Variants in CDK14 observed in about 807,000 individuals in gnomAD.
CDK14 encodes the protein cyclin dependent kinase 14, also known as cyclin-dependent kinase 14.
A neutral mutation model predicts 60.7 loss-of-function variants in CDK14; 34 were observed. The observed-to-expected ratio is 0.56, with a 90% confidence interval of 0.43 to 0.75. The LOEUF (loss-of-function observed/expected upper bound fraction) is 0.75. CDK14 is among the 30% of genes least tolerant of loss of function. The pLI is 0.00. For synonymous variants in CDK14, 197 were observed against 203.7 expected, an observed-to-expected ratio of 0.97 and a Z score of 0.28; for missense variants, 482 against 564.1, an observed-to-expected ratio of 0.85 and a Z score of 1.47.
At chr7:91,181,533 T>C (rs887748378) in intron 14 of CDK14, among the ~76,000 whole-genome samples, 1 of 152,222 alleles carries the variant, frequency 6.6e-6, no homozygotes, top group Non-Finnish European at 1.5e-5. Context: ...TGTCTAATTC[T>C]ATCAGTTCTT....
intron 14 of CDK14, among the ~76,000 whole-genome samples, chr7:91,156,191 C>A (rs1286218791): frequency 3.3e-5 from 5 of 152,098 alleles, no homozygotes; most frequent in Non-Finnish European, 7.4e-5. Context: ...CTTTAAAGTA[C>A]AATTTGTTGT....
chr7:90,916,157 G>A (rs1793074512), intron 7 of CDK14, among the ~76,000 whole-genome samples: 2 of 151,990 alleles, frequency 1.3e-5, no homozygotes, highest in South Asian at 2.1e-4. Flanking sequence ...CTTAGAAGTT[G>A]TAAGCTTTAG....
At chr7:91,070,455 T>C (rs1427493815) in intron 11 of CDK14, among the ~76,000 whole-genome samples, 1 of 152,184 alleles carries the variant, frequency 6.6e-6, no homozygotes, top group East Asian at 1.9e-4. Context: ...ATGTGTGGAA[T>C]TAATGAAAAA....
intron 7 of CDK14, among the ~76,000 whole-genome samples, chr7:90,906,272 A>C (rs964662950): frequency 4.6e-5 from 7 of 152,134 alleles, no homozygotes; most frequent in Admixed American, 2.0e-4. Flanking sequence ...TGTTGGGAAA[A>C]TATAGACAAA....
At chr7:90,630,886 GTA>G (rs921567230) in intron 2 of CDK14, among the ~76,000 whole-genome samples, 22 of 115,818 alleles carry the variant, frequency 1.9e-4, no homozygotes, top group African/African-American at 4.2e-4. Context: ...CTTGGGGTGT[GTA>G]TGTGTGTGTG....
chr7:91,193,641 T>C (rs1325504131), intron 14 of CDK14, among the ~76,000 whole-genome samples: 2 of 152,194 alleles, frequency 1.3e-5, no homozygotes, highest in Non-Finnish European at 2.9e-5. Context: ...GGAGGCATTT[T>C]TAAGCACATA....
At chr7:90,824,569 T>C (rs1180336201) in intron 5 of CDK14, 1 of 152,196 alleles carries the variant, frequency 6.6e-6, no homozygotes, top group Non-Finnish European at 1.5e-5. Context: ...ATCATGTGGA[T>C]GTAGAGTGAG....
chr7:91,191,618 TG>T (rs561174205), intron 14 of CDK14, among the ~76,000 whole-genome samples: 2 of 151,262 alleles, frequency 1.3e-5, no homozygotes, highest in East Asian at 2.0e-4. Flanking sequence ...TGTGTTCAGA[TG>T]GGGGGGTGGG....
At chr7:90,634,664 G>A (rs1194620939) in intron 2 of CDK14, among the ~76,000 whole-genome samples, 1 of 151,824 alleles carries the variant, frequency 6.6e-6, no homozygotes, top group African/African-American at 2.4e-5. Flanking sequence ...GGGATGGCTG[G>A]GTCAAATGGT....
At chr7:90,849,199 G>GCATTTTCTCTAAACTC (rs1790564268) in intron 5 of CDK14, among the ~76,000 whole-genome samples, 3 of 151,968 alleles carry the variant, frequency 2.0e-5, no homozygotes, top group African/African-American at 7.3e-5. Context: ...GTTTAAAAAG[G>GCATTTTCTCTAAACTC]AGCCTGATAC....
At chr7:90,768,597 A>G (rs946538432) in intron 4 of CDK14, among the ~76,000 whole-genome samples, 12 of 152,174 alleles carry the variant, frequency 7.9e-5, no homozygotes, top group Admixed American at 7.9e-4. Context: ...GAAATGAGTG[A>G]ATTGTCCTCT....
Position 90,863,228 on chromosome 7 carries a change from A to T in CDK14, c.598A>T (p.Ile200Phe). 1.2e-6 allele frequency: 2 copies of T among 1,610,362 alleles called. No individual in the cohort carries two copies. Among genetic ancestry groups the T allele is most frequent in the Non-Finnish European group, 1.7e-6 (2 of 1,177,182 alleles). The change falls in exon 6 of 15, where the codon ATC becomes TTC. Residue 200 changes from isoleucine to phenylalanine, a missense_variant. Physicochemically the swap from Ile to Phe is conservative, Grantham distance 21 (BLOSUM62 0). Transcript: ENST00000380050. ...HANIVLLHDI[I>F]HTKETLTLVF... ...TAACATAGTGCTACTTCATGACATC[A>T]TCCATACCAAGGAGACGCTGACACT... is the stretch of plus-strand genomic sequence containing the variant.
intron 12 of CDK14, among the ~76,000 whole-genome samples, chr7:91,097,902 C>T (rs1163657436): frequency 1.3e-5 from 2 of 152,162 alleles, no homozygotes; most frequent in African/African-American, 2.4e-5. Context: ...TCCTGGCTGG[C>T]CATGTCTTCT....
chr7:90,619,182 C>T lies in CDK14; in HGVS notation c.123+14933C>T, dbSNP rs1387715772. On this transcript the variant is annotated intron_variant, in intron 2 of 14. Coordinates refer to ENST00000380050, the MANE Select transcript of CDK14 (RefSeq NM_001287135.2). ...ATCTGTTTCTGTCACTTCAATATTA[C>T]GTTTATCTTGAGGGTAAAGGAAGGG... is the stretch of plus-strand genomic sequence containing the variant. 3.9e-5 allele frequency among the ~76,000 whole-genome samples: 6 copies of T among 152,058 alleles called. 1 individual carries two copies. Among genetic ancestry groups the T allele is most frequent in the Non-Finnish European group, 8.8e-5 (6 of 68,004 alleles).
intron 3 of CDK14, among the ~76,000 whole-genome samples, chr7:90,744,700 C>T (rs1374640095): frequency 1.0e-5 from 1 of 97,830 alleles, no homozygotes; most frequent in Admixed American, 9.4e-5. Flanking sequence ...CTCCTCACTT[C>T]CCAGTAGGGG....
At chr7:91,004,189 A>T (rs1795917480) in intron 10 of CDK14, among the ~76,000 whole-genome samples, 2 of 152,230 alleles carry the variant, frequency 1.3e-5, no homozygotes, top group South Asian at 4.1e-4. Context: ...TTGAAAACAT[A>T]AAACCAGTAG....
chr7:90,971,653 T>TAAAAAA (rs35135401), intron 9 of CDK14, among the ~76,000 whole-genome samples: 4 of 119,542 alleles, frequency 3.3e-5, no homozygotes, highest in Non-Finnish European at 5.2e-5. Context: ...ATATACATAG[T>TAAAAAA]AAAAAAAAAA....
At chr7:90,799,690 C>CAAAAAAAA (rs11353946) in intron 5 of CDK14, among the ~76,000 whole-genome samples, 3 of 53,562 alleles carry the variant, frequency 5.6e-5, no homozygotes, top group Admixed American at 3.1e-4. Context: ...AACTCCATCT[C>CAAAAAAAA]AAAAAAAAAA....
chr7:90,894,428 G>A (rs1047615170), intron 6 of CDK14, among the ~76,000 whole-genome samples: 51 of 152,208 alleles, frequency 3.4e-4, no homozygotes, highest in Admixed American at 2.0e-3. Flanking sequence ...GTACGTTTTC[G>A]TGCCCTACAT....
Sources: gnomAD v4.1 joint callset for allele counts (sites outside exome capture counted in the v4.1 genomes callset) on GRCh38, gnomAD v4.1.1 for gene constraint, MANE v1.5 for transcripts, NCBI Gene and HGNC (gene_info 2026-07-23, HGNC 2026-07-21) for gene names.